KLF12: variants seen among roughly 807,000 people sequenced by gnomAD.
KLF12 encodes KLF transcription factor 12.
Under a neutral mutation model 37.8 loss-of-function variants are expected in KLF12, and 9 were observed. The ratio of observed to expected loss-of-function variants is 0.24; its 90% CI spans 0.14 to 0.42. The LOEUF is 0.42. Ranked by LOEUF, KLF12 falls within the 10% of genes least tolerant of loss-of-function variation. The pLI, the probability that KLF12 is intolerant of heterozygous loss-of-function variation, is 1.00. For synonymous variants in KLF12, 208 were observed against 202.1 expected (o/e 1.03, Z -0.25); for missense variants, 411 against 516.0 (o/e 0.80, Z 1.97).
the KLF12 span, among the ~76,000 whole-genome samples, chr13:74,261,515 G>A: frequency 2.6e-5 from 4 of 152,180 alleles, 1 homozygote; most frequent in East Asian, 5.8e-4. Flanking sequence ...TTTCTTGAAT[G>A]TTATCTCAAA....
intron 5 of KLF12, among the ~76,000 whole-genome samples, chr13:73,802,748 G>A (rs1183800902): frequency 6.6e-6 from 1 of 152,082 alleles, no homozygotes; most frequent in Non-Finnish European, 1.5e-5. Context: ...GGGTTAATTG[G>A]CTTAGGATAA....
At chr13:74,294,223 T>G in the KLF12 span, among the ~76,000 whole-genome samples, 1 of 152,112 alleles carries the variant, frequency 6.6e-6, no homozygotes, top group Non-Finnish European at 1.5e-5. Flanking sequence ...ACAAGGCAAT[T>G]TTGTTACATG....
At chr13:73,817,532 A>G (rs903554078) in intron 4 of KLF12, among the ~76,000 whole-genome samples, 2 of 152,176 alleles carry the variant, frequency 1.3e-5, no homozygotes, top group African/African-American at 2.4e-5. Flanking sequence ...CAACAATATT[A>G]AATTGAATTA....
At chr13:74,038,643 A>G (rs897252439) in intron 1 of KLF12, among the ~76,000 whole-genome samples, 5 of 152,242 alleles carry the variant, frequency 3.3e-5, no homozygotes, top group African/African-American at 1.2e-4. Flanking sequence ...AAATGAACAT[A>G]TTAACCTAAG....
At chr13:73,746,401 C>T (rs1377217369) in intron 6 of KLF12, among the ~76,000 whole-genome samples, 1 of 152,230 alleles carries the variant, frequency 6.6e-6, no homozygotes, top group Non-Finnish European at 1.5e-5. Flanking sequence ...TCTGTTAACA[C>T]ACAGCCGCAA....
the KLF12 span, among the ~76,000 whole-genome samples, chr13:74,252,529 A>C: frequency 6.6e-6 from 1 of 152,164 alleles, no homozygotes; most frequent in Non-Finnish European, 1.5e-5. Context: ...CATGTTCCTC[A>C]TTTGGAAGAG....
chr13:74,255,980 C>A, the KLF12 span, among the ~76,000 whole-genome samples: 1 of 151,892 alleles, frequency 6.6e-6, no homozygotes, highest in African/African-American at 2.4e-5. Context: ...ATGATGAAAC[C>A]CCGTCTCTGC....
intron 2 of KLF12, among the ~76,000 whole-genome samples, chr13:73,962,316 C>G (rs985778531): frequency 1.3e-5 from 2 of 152,018 alleles, no homozygotes; most frequent in African/African-American, 2.4e-5. Context: ...TCAAGAGATG[C>G]CAGGTCTTAA....
chr13:74,131,112 T>C (rs1170053422), intron 1 of KLF12, among the ~76,000 whole-genome samples: 2 of 152,220 alleles, frequency 1.3e-5, no homozygotes, highest in Non-Finnish European at 2.9e-5. Context: ...CCTAAGCACT[T>C]ACGTTGTCTC....
At chr13:73,843,638 C>T (rs552195885) in intron 4 of KLF12, among the ~76,000 whole-genome samples, 9 of 152,054 alleles carry the variant, frequency 5.9e-5, no homozygotes, top group African/African-American at 2.2e-4. Flanking sequence ...TCCCAATAAT[C>T]TTCTAGGCTA....
At chr13:74,252,574 A>T in the KLF12 span, among the ~76,000 whole-genome samples, 1 of 152,184 alleles carries the variant, frequency 6.6e-6, no homozygotes, top group East Asian at 1.9e-4. Context: ...AAGATAACGA[A>T]ACTAAAGCTG....
the KLF12 span, among the ~76,000 whole-genome samples, chr13:74,142,455 A>C: frequency 6.6e-6 from 1 of 152,170 alleles, no homozygotes; most frequent in Admixed American, 6.5e-5. Context: ...CAGGTTGCTT[A>C]ATTTTTGTTG....
At chr13:74,126,670 T>G (rs1877961013) in intron 1 of KLF12, among the ~76,000 whole-genome samples, 1 of 152,188 alleles carries the variant, frequency 6.6e-6, no homozygotes, top group Admixed American at 6.5e-5. Flanking sequence ...TTTTTGAAAT[T>G]TTTGCCAAAA....
chr13:74,136,680 A>T (rs1878566872), upstream of KLF12, among the ~76,000 whole-genome samples: 1 of 152,166 alleles, frequency 6.6e-6, no homozygotes, highest in South Asian at 2.1e-4. Flanking sequence ...TAGGAGAGTG[A>T]TGAAAGATAG....
chr13:73,910,906 T>G (rs1320180941), intron 3 of KLF12, among the ~76,000 whole-genome samples: 1 of 152,182 alleles, frequency 6.6e-6, no homozygotes, highest in Non-Finnish European at 1.5e-5. Flanking sequence ...AAGAGACACA[T>G]GAGCTAGCAA....
the KLF12 span, among the ~76,000 whole-genome samples, chr13:74,299,432 T>C: frequency 2.0e-5 from 3 of 152,206 alleles, no homozygotes; most frequent in Non-Finnish European, 4.4e-5. Flanking sequence ...TTGGAGTGGA[T>C]ATACACAATT....
chr13:74,202,217 G>T, the KLF12 span, among the ~76,000 whole-genome samples: 5 of 152,160 alleles, frequency 3.3e-5, no homozygotes, highest in African/African-American at 1.2e-4. Context: ...AAGAGGCAGT[G>T]CAGGGAGAAA....
intron 3 of KLF12, among the ~76,000 whole-genome samples, chr13:73,914,071 C>T (rs900469968): frequency 6.6e-6 from 1 of 152,146 alleles, no homozygotes; most frequent in African/African-American, 2.4e-5. Flanking sequence ...CTGGCTTATT[C>T]CTGCCAACAT....
At chr13:74,282,499 G>A in the KLF12 span, among the ~76,000 whole-genome samples, 1 of 152,278 alleles carries the variant, frequency 6.6e-6, no homozygotes, top group East Asian at 1.9e-4. Context: ...GGTGAAGCAT[G>A]TTAATGGTCT....
Sources: gnomAD v4.1 joint callset for allele counts (sites outside exome capture counted in the v4.1 genomes callset) on GRCh38, gnomAD v4.1.1 for gene constraint, MANE v1.5 for transcripts, NCBI Gene and HGNC (gene_info 2026-07-23, HGNC 2026-07-21) for gene names.